Variants in C1QTNF6 observed in about 807,000 individuals in gnomAD.
The protein encoded by C1QTNF6 is C1q and TNF related 6.
C1QTNF6 carries 17 observed loss-of-function variants against 20.7 expected under a neutral mutation model. The observed-to-expected ratio is 0.82, with a 90% CI of 0.56 to 1.23. The LOEUF (loss-of-function observed/expected upper bound fraction) is 1.23, where lower values mean the gene tolerates loss of function less well. C1QTNF6 is among the 50% of genes most tolerant of loss of function. The pLI, the probability that C1QTNF6 is intolerant of heterozygous loss-of-function variation, is 0.00. For synonymous variants in C1QTNF6, 130 were observed against 156.3 expected, an observed-to-expected ratio of 0.83 and a Z score of 1.25; for missense variants, 329 against 389.7, an observed-to-expected ratio of 0.84 and a Z score of 1.31.
rs1555901497 is a variant in C1QTNF6 at position 37,184,505 on chromosome 22, G to GCCCTCACCTGGACA, written c.289+712_289+713insTGTCCAGGTGAGGG. ...CACCTGGATGCCTTTCACCTGGACG[G>GCCCTCACCTGGACA]GCCCTCACCTGGACAGCCCTCACCT... On this transcript the variant is annotated intron_variant, in intron 2 of 2. Coordinates refer to ENST00000337843, the MANE Select transcript of C1QTNF6 (RefSeq NM_031910.4). This position sits in a 1 kb window ranked among gnomAD's most constrained non-coding sequence, Gnocchi z 4.0. 4.3e-6 allele frequency: 3 copies of GCCCTCACCTGGACA among 700,810 alleles called. No homozygotes were observed. In the East Asian group the frequency reaches 8.1e-5, roughly 19 times the overall value. 43.4% of individuals were successfully genotyped at this position (700,810 alleles called of 1,614,324 possible). A position where few individuals can be genotyped will look rare whatever the true frequency, so the allele number is the denominator to read the frequency against.
chr22:37,184,319 G>C lies in C1QTNF6; in HGVS notation c.289+899C>G. On this transcript the variant is annotated intron_variant, in intron 2 of 2. Coordinates refer to ENST00000337843, the MANE Select transcript of C1QTNF6 (RefSeq NM_031910.4). The surrounding 1 kb of genome is among the most constrained non-coding windows in gnomAD (Gnocchi z 4.0). ...GGTTTCCCCATCTGCAAAGTGGGAG[G>C]AATAAGAAAATATCGACCTCACGGG... is the stretch of plus-strand genomic sequence containing the variant. The C allele has an allele frequency of 1.4e-6, 1 of 715,676 alleles. No individual in the cohort carries two copies. The highest frequency in any genetic ancestry group is 2.0e-5 in the Admixed American group (1 of 49,972). The allele number at this position is 715,676 out of a possible 1,614,324, so 44.3% of individuals were successfully genotyped here.
intron 2 of C1QTNF6, 102 bp downstream of exon 2, chr22:37,185,116 G>A: frequency 6.9e-7 from 1 of 1,456,666 alleles, no homozygotes; most frequent in Non-Finnish European, 9.1e-7. Flanking sequence ...AACTCAGGAT[G>A]AAAGAGGAGT....
rs1160262256 is a variant in C1QTNF6 at position 37,181,324 on chromosome 22, G to A, written c.*864C>T. 5 of 152,502 alleles carry A rather than the reference G, an allele frequency of 3.3e-5. No individual in the cohort carries two copies. The highest frequency in any genetic ancestry group is 7.3e-5 in the Non-Finnish European group (5 of 68,250). The allele number at this position is 152,502 out of a possible 1,614,324, so 9.4% of individuals were successfully genotyped here. On this transcript the variant is annotated 3_prime_UTR_variant, in exon 3 of 3. Coordinates refer to ENST00000337843, the MANE Select transcript of C1QTNF6 (RefSeq NM_031910.4). ...GGTGGCTGCAGTGGTGCAGGCCTGA[G>A]CAAGAGAAGAGGGGGAAGGGGTAAA...
chr22:37,189,097 A>G (rs994722133), upstream of C1QTNF6, among the ~76,000 whole-genome samples: 1 of 152,126 alleles, frequency 6.6e-6, no homozygotes, highest in African/African-American at 2.4e-5. Flanking sequence ...ATTTCCTGAA[A>G]CTGAGGCTTC....
At chr22:37,189,277 G>A (rs563163340), upstream of C1QTNF6, among the ~76,000 whole-genome samples, 1 of 152,252 alleles carries the variant, frequency 6.6e-6, no homozygotes, top group South Asian at 2.1e-4. Flanking sequence ...GATTTGGCAG[G>A]TTTTGGCTGG....
At position 37,181,697 on chromosome 22, in the gene C1QTNF6, A is replaced by T. The variant is rs229517; in HGVS notation, c.*491T>A. Reference sequence around the variant, plus strand: ...AGCAAGACTCTGTCTCAAGAAAAAAAAATGTTGGGAGAATTCTAGAATGTG... The same window carrying T: ...AGCAAGACTCTGTCTCAAGAAAAAATAATGTTGGGAGAATTCTAGAATGTG... On this transcript the variant is annotated 3_prime_UTR_variant, in exon 3 of 3. Transcript: ENST00000337843. 42,168 of 155,714 alleles carry T rather than the reference A, an allele frequency of 0.27. 6,639 individuals carry two copies. The highest frequency in any genetic ancestry group is 0.49 in the East Asian group (2,521 of 5,196). The allele number at this position is 155,714 out of a possible 1,614,324, so 9.6% of individuals were successfully genotyped here.
At chr22:37,194,089 AAG>A (rs1924988611) in intron 2 of C1QTNF6, among the ~76,000 whole-genome samples, 1 of 152,192 alleles carries the variant, frequency 6.6e-6, no homozygotes, top group South Asian at 2.1e-4. Flanking sequence ...GGTGGAGACT[AAG>A]AGAAAGTACT....
chr22:37,188,307 G>T, upstream of C1QTNF6: 2 of 1,205,506 alleles, frequency 1.7e-6, no homozygotes, highest in Non-Finnish European at 2.3e-6. Context: ...AGGGGATGGA[G>T]GGAGAGAGGG....
Position 37,182,343 on chromosome 22 carries a change from TGCTGCGCTCGCTGG to T in C1QTNF6, c.668_681del (p.Pro223HisfsTer79). Reference sequence around the variant, plus strand: ...AGCATCACACTCTGGCTCTGCATGATGCTGCGCTCGCTGGGCTGCGCGTACAGGATGACAGCCTC... The same window carrying T: ...AGCATCACACTCTGGCTCTGCATGATGCTGCGCGTACAGGATGACAGCCTC... On this transcript the variant is annotated frameshift_variant, in exon 3 of 3. Coordinates refer to ENST00000337843, the MANE Select transcript of C1QTNF6 (RefSeq NM_031910.4). LOFTEE classifies it high-confidence loss of function. 1 of 1,614,270 alleles carries T rather than the reference TGCTGCGCTCGCTGG, an allele frequency of 6.2e-7. No homozygotes were observed. Among genetic ancestry groups the T allele is most frequent in the Non-Finnish European group, 8.5e-7 (1 of 1,180,056 alleles).
Position 37,184,549 on chromosome 22 carries a change from T to A in C1QTNF6, c.289+669A>T. ...CTCACCTGGACAGCCCTCACCTGGA[T>A]GGCCCTCACCTGGACAGGCCCCACA... is the stretch of plus-strand genomic sequence containing the variant. On this transcript the variant is annotated intron_variant, in intron 2 of 2. Coordinates refer to ENST00000337843, the MANE Select transcript of C1QTNF6 (RefSeq NM_031910.4). This position sits in a 1 kb window ranked among gnomAD's most constrained non-coding sequence, Gnocchi z 4.0. 1.5e-6 allele frequency: 1 copy of A among 647,092 alleles called. No homozygotes were observed. The highest frequency in any genetic ancestry group is 2.8e-6 in the Non-Finnish European group (1 of 354,718). 40.1% of individuals were successfully genotyped at this position (647,092 alleles called of 1,614,324 possible). A position where few individuals can be genotyped will look rare whatever the true frequency, so the allele number is the denominator to read the frequency against.
At chr22:37,188,507 G>A (rs1473464656), upstream of C1QTNF6, 7 of 316,988 alleles carry the variant, frequency 2.2e-5, no homozygotes, top group Admixed American at 5.0e-5. Context: ...GGAGTCTGAG[G>A]CCCCCTGATG....
At chr22:37,198,677 T>C (rs1261113275), upstream of C1QTNF6, among the ~76,000 whole-genome samples, 1 of 151,768 alleles carries the variant, frequency 6.6e-6, no homozygotes, top group Non-Finnish European at 1.5e-5. Flanking sequence ...CCCGGGACGC[T>C]CCCCGCTCCC....
upstream of C1QTNF6, chr22:37,190,849 G>A (rs1295086470): frequency 6.6e-6 from 1 of 152,156 alleles, no homozygotes; most frequent in Admixed American, 6.5e-5. Flanking sequence ...ACAAAACTTT[G>A]TTTTATAATC....
At chr22:37,198,683 C>CTCCCCGG (rs948853821), upstream of C1QTNF6, among the ~76,000 whole-genome samples, 10 of 151,660 alleles carry the variant, frequency 6.6e-5, no homozygotes, top group African/African-American at 1.2e-4. Flanking sequence ...ACGCTCCCCG[C>CTCCCCGG]TCCCCGGTCC....
Position 37,182,238 on chromosome 22 carries a change from C to A in C1QTNF6, c.787G>T (p.Asp263Tyr), listed in dbSNP as rs764462680. 2 of 1,614,074 alleles carry A rather than the reference C, an allele frequency of 1.2e-6. No homozygotes were observed. The highest frequency in any genetic ancestry group is 1.7e-6 in the Non-Finnish European group (2 of 1,179,984). ...RENAIYSNDF[D>Y]TYITFSGHLI... ...TGGCCGCTGAAGGTGATGTAGGTGT[C>A]GAAGTCGTTGCTGTAGATGGCGTTC... The change falls in exon 3 of 3, where the codon GAC becomes TAC. Residue 263 changes from aspartate (D) to tyrosine (Y), a missense_variant. Transcript: ENST00000337843.
At chr22:37,198,806 A>AC (rs1414998084), upstream of C1QTNF6, among the ~76,000 whole-genome samples, 1 of 66,650 alleles carries the variant, frequency 1.5e-5, no homozygotes, top group African/African-American at 6.0e-5. Flanking sequence ...AGCAACCCCC[A>AC]CCCCCCACAC....
At chr22:37,185,568 C>G in intron 1 of C1QTNF6, 113 bp from the exon 2 acceptor site, 2 of 1,395,414 alleles carry the variant, frequency 1.4e-6, no homozygotes, top group Non-Finnish European at 1.9e-6. Context: ...TGACCTAACT[C>G]CAGAGGGAAG....
At chr22:37,183,323 G>C (rs1923969751) in intron 2 of C1QTNF6, among the ~76,000 whole-genome samples, 1 of 152,232 alleles carries the variant, frequency 6.6e-6, no homozygotes, top group Non-Finnish European at 1.5e-5. Flanking sequence ...TCCACCTCAG[G>C]GGTGTTTGTG....
intron 1 of C1QTNF6, 46 bp downstream of exon 1, chr22:37,188,117 G>C: frequency 6.4e-7 from 1 of 1,573,046 alleles, no homozygotes; most frequent in Non-Finnish European, 8.6e-7. Context: ...AGGAATTCCA[G>C]GCTCTGACCC....
Sources: allele counts gnomAD v4.1 joint callset (sites outside exome capture counted in the v4.1 genomes callset), GRCh38; gene constraint gnomAD v4.1.1; non-coding constraint Gnocchi (gnomAD v3.1); transcripts MANE v1.5; gene names NCBI Gene and HGNC (gene_info 2026-07-23, HGNC 2026-07-21).